Variants in SOD2 observed in about 807,000 individuals in gnomAD.
SOD2 encodes the protein superoxide dismutase 2, also known as superoxide dismutase [Mn], mitochondrial.
Under a neutral mutation model 27.0 loss-of-function variants are expected in SOD2, and 11 were observed. The ratio of observed to expected loss-of-function variants is 0.41; its 90% CI spans 0.26 to 0.67. The LOEUF is 0.67. SOD2 is among the 30% of genes least tolerant of loss of function. SOD2 has a pLI of 0.34. For synonymous variants in SOD2, 105 were observed against 103.0 expected (o/e 1.02, Z -0.12); for missense variants, 250 against 274.5 (o/e 0.91, Z 0.63).
upstream of SOD2, chr6:159,727,848 C>T (rs866534852): frequency 6.9e-5 from 36 of 522,752 alleles, no homozygotes; most frequent in Middle Eastern, 1.0e-3. Context: ...TCGTGAGCCG[C>T]TCTACCTTCC....
chr6:159,715,573 G>A (rs1045083227), intron 1 of SOD2, among the ~76,000 whole-genome samples: 2 of 152,156 alleles, frequency 1.3e-5, no homozygotes, highest in African/African-American at 4.8e-5. Flanking sequence ...CTATTAGCAA[G>A]CAACAGAGGC....
At chr6:159,688,296 C>A in intron 2 of SOD2, 54 bp from the exon 3 acceptor site, 2 of 995,962 alleles carry the variant, frequency 2.0e-6, no homozygotes, top group Non-Finnish European at 3.2e-6. Context: ...TTTTCAACCA[C>A]TGTATACATT....
intron 1 of SOD2, among the ~76,000 whole-genome samples, chr6:159,740,129 G>A (rs1194727216): frequency 6.6e-6 from 1 of 151,606 alleles, no homozygotes; most frequent in Non-Finnish European, 1.5e-5. Flanking sequence ...ACAGGCATGG[G>A]CCACCATGCC....
intron 1 of SOD2, among the ~76,000 whole-genome samples, chr6:159,759,260 T>C (rs1399837318): frequency 1.3e-5 from 2 of 150,684 alleles, no homozygotes; most frequent in African/African-American, 4.9e-5. Flanking sequence ...AGTTTCTGCA[T>C]GTTGGTCAGG....
intron 4 of SOD2, among the ~76,000 whole-genome samples, 196 bp from the exon 5 acceptor site, chr6:159,682,834 C>G (rs945980768): frequency 2.0e-5 from 3 of 152,050 alleles, no homozygotes; most frequent in Non-Finnish European, 4.4e-5. Flanking sequence ...TCACTGTTTA[C>G]AAAGAAAATG....
chr6:159,700,420 C>T (rs922656394), intron 1 of SOD2, among the ~76,000 whole-genome samples: 3 of 152,022 alleles, frequency 2.0e-5, no homozygotes, highest in African/African-American at 7.2e-5. Flanking sequence ...TTTGGGAGGC[C>T]GAGGTGGGTG....
chr6:159,733,232 G>A (rs1778697827), intron 1 of SOD2, among the ~76,000 whole-genome samples: 1 of 152,210 alleles, frequency 6.6e-6, no homozygotes, highest in Non-Finnish European at 1.5e-5. Flanking sequence ...TCATAGGACA[G>A]AGTGACTTGC....
rs186801819 is a variant in SOD2 at position 159,672,586 on chromosome 6, A to C, written c.*9907T>G. ...CAGGCCTGCCTTACAAGAGCTCCTG[A>C]AGGAAGCACTAAACATGGAATGGAA... On this transcript the variant is annotated 3_prime_UTR_variant, in exon 5 of 5. Coordinates refer to ENST00000538183, the MANE Select transcript of SOD2 (RefSeq NM_000636.4). The C allele has an allele frequency of 1.3e-5, 2 of 152,334 alleles. No homozygotes were observed. Among genetic ancestry groups the C allele is most frequent in the East Asian group, 3.9e-4 (2 of 5,186 alleles). 9.4% of individuals were successfully genotyped at this position (152,334 alleles called of 1,614,324 possible).
At chr6:159,701,269 C>A (rs80065806) in intron 1 of SOD2, among the ~76,000 whole-genome samples, 5,097 of 152,276 alleles carry the variant, frequency 0.033, 111 homozygotes, top group South Asian at 0.049. Flanking sequence ...CTGCTAGAGG[C>A]CTGTGATGAA....
chr6:159,761,738 A>C, exon 1 of SOD2: 3 of 349,958 alleles, frequency 8.6e-6, no homozygotes, highest in South Asian at 6.6e-5. Context: ...GGGGAACTCC[A>C]ACATTGGGGT....
chr6:159,713,301 G>T (rs1298954160), intron 1 of SOD2: 12 of 662,826 alleles, frequency 1.8e-5, no homozygotes, highest in African/African-American at 5.4e-5. Context: ...TAGGGACCCT[G>T]CCTCATCTTT....
upstream of SOD2, among the ~76,000 whole-genome samples, chr6:159,694,348 G>A (rs556329068): frequency 2.6e-5 from 4 of 152,258 alleles, no homozygotes; most frequent in South Asian, 8.3e-4. Context: ...ATGATGGAAG[G>A]TAGCAGGTGC....
intron 1 of SOD2, among the ~76,000 whole-genome samples, chr6:159,717,923 GTGTGTA>G (rs1376746439): frequency 4.2e-4 from 55 of 131,466 alleles, no homozygotes; most frequent in East Asian, 1.8e-3. Flanking sequence ...GTGTGTGTGT[GTGTGTA>G]TATGTGTATA....
upstream of SOD2, among the ~76,000 whole-genome samples, chr6:159,731,840 G>C (rs567476333): frequency 1.2e-3 from 182 of 152,274 alleles, 4 homozygotes; most frequent in South Asian, 7.7e-3. Flanking sequence ...AGAATACCAA[G>C]GTTATCAGAA....
At chr6:159,719,403 C>T (rs370141848) in intron 1 of SOD2, among the ~76,000 whole-genome samples, 1 of 152,158 alleles carries the variant, frequency 6.6e-6, no homozygotes. Context: ...TGGCATGTGC[C>T]TGTAATCCCA....
chr6:159,685,101 A>G, intron 3 of SOD2, 68 bp from the exon 4 acceptor site: 1 of 1,109,472 alleles, frequency 9.0e-7, no homozygotes, highest in Non-Finnish European at 1.2e-6. Flanking sequence ...AAAATGTTAT[A>G]TTACATGTAT....
chr6:159,683,437 A>G (rs1181390423), intron 4 of SOD2, among the ~76,000 whole-genome samples: 1 of 152,166 alleles, frequency 6.6e-6, no homozygotes, highest in Non-Finnish European at 1.5e-5. Flanking sequence ...GTGAGCCAAG[A>G]TTGCGCCACT....
intron 1 of SOD2, chr6:159,713,210 T>G: frequency 1.1e-6 from 1 of 951,042 alleles, no homozygotes; most frequent in Non-Finnish European, 1.6e-6. Flanking sequence ...GTAATTGCGG[T>G]CTTTTCCAAA....
At chr6:159,721,259 G>A (rs528500222) in intron 1 of SOD2, among the ~76,000 whole-genome samples, 3 of 151,936 alleles carry the variant, frequency 2.0e-5, no homozygotes, top group Non-Finnish European at 4.4e-5. Flanking sequence ...AGTAGAGATG[G>A]GGTTTCACCA....
Sources: allele counts gnomAD v4.1 joint callset (sites outside exome capture counted in the v4.1 genomes callset), GRCh38; gene constraint gnomAD v4.1.1; transcripts MANE v1.5; gene names NCBI Gene and HGNC (gene_info 2026-07-23, HGNC 2026-07-21).